Variants in LINGO2 observed in about 807,000 individuals in gnomAD.
The protein encoded by LINGO2 is leucine rich repeat and Ig domain containing 2.
Under a neutral mutation model 30.6 loss-of-function variants are expected in LINGO2, and 14 were observed. The ratio of observed to expected loss-of-function variants is 0.46; its 90% CI spans 0.30 to 0.72. The LOEUF (loss-of-function observed/expected upper bound fraction) is 0.72. Ranked by LOEUF, LINGO2 falls within the 30% of genes least tolerant of loss-of-function variation. The probability of loss-of-function intolerance (pLI) is 0.07; values close to 1 mark genes in which losing one functional copy is unlikely to be tolerated. For missense variants in LINGO2, 729 were observed against 751.7 expected, an observed-to-expected ratio of 0.97 and a Z score of 0.35; for synonymous variants, 317 against 288.5, an observed-to-expected ratio of 1.10 and a Z score of -1.00.
chr9:28,075,101 AT>A (rs1169697927), intron 4 of LINGO2, among the ~76,000 whole-genome samples: 27 of 151,970 alleles, frequency 1.8e-4, no homozygotes, highest in African/African-American at 5.6e-4. Context: ...AGCTATCAGC[AT>A]TCAGAACTTT....
At chr9:28,911,992 T>C in the LINGO2 span, among the ~76,000 whole-genome samples, 3 of 152,266 alleles carry the variant, frequency 2.0e-5, no homozygotes, top group Non-Finnish European at 4.4e-5. Flanking sequence ...AATAAATGTG[T>C]ATGAATATAC....
intron 2 of LINGO2, among the ~76,000 whole-genome samples, chr9:28,387,374 T>A (rs1821628155): frequency 6.6e-6 from 1 of 152,194 alleles, no homozygotes; most frequent in Non-Finnish European, 1.5e-5. Flanking sequence ...ATCAGCACTC[T>A]GTAAAAATGG....
At chr9:29,032,349 C>G in the LINGO2 span, among the ~76,000 whole-genome samples, 5 of 152,110 alleles carry the variant, frequency 3.3e-5, no homozygotes. Flanking sequence ...TTCTGAGACA[C>G]AACTCCTTTA....
rs368768445 is a variant in LINGO2 at position 28,557,890 on chromosome 9, G to A, written c.-364-81865C>T. ...AAACCATCATTCTCAGCAAACTATC[G>A]CAAGGACAAAAAACCAAACACCACG... On this transcript the variant is annotated intron_variant, in intron 1 of 5. Transcript: ENST00000379992. Among the ~76,000 whole-genome samples the A allele has an allele frequency of 1.5e-4, 23 of 150,284 alleles. 1 individual carries two copies. The highest frequency in any genetic ancestry group is 3.4e-4 in the African/African-American group (14 of 40,976).
intron 2 of LINGO2, among the ~76,000 whole-genome samples, chr9:28,383,382 A>G (rs1210928631): frequency 6.6e-6 from 1 of 151,914 alleles, no homozygotes; most frequent in Admixed American, 6.6e-5. Flanking sequence ...AATCTTCCAC[A>G]AGTGACCAAA....
intron 5 of LINGO2, among the ~76,000 whole-genome samples, chr9:27,996,250 A>G (rs1821656277): frequency 6.6e-6 from 1 of 152,196 alleles, no homozygotes; most frequent in African/African-American, 2.4e-5. Flanking sequence ...AAAAACTAAA[A>G]TACAACTATC....
chr9:29,083,586 T>TA, the LINGO2 span, among the ~76,000 whole-genome samples: 3,301 of 145,788 alleles, frequency 0.023, 116 homozygotes, highest in African/African-American at 0.078. Flanking sequence ...ATAATAATAA[T>TA]AAAAAAAAGA....
intron 2 of LINGO2, among the ~76,000 whole-genome samples, chr9:28,408,281 A>G (rs1822593367): frequency 6.6e-6 from 1 of 152,148 alleles, no homozygotes; most frequent in African/African-American, 2.4e-5. Context: ...TGCTTCACTG[A>G]GATCACTTTA....
chr9:28,558,032 A>C (rs1322597815), intron 1 of LINGO2, among the ~76,000 whole-genome samples: 3 of 149,066 alleles, frequency 2.0e-5, no homozygotes, highest in African/African-American at 7.4e-5. Context: ...GCATTGGGAG[A>C]TATACCTAAT....
chr9:29,058,483 A>G, the LINGO2 span, among the ~76,000 whole-genome samples: 1 of 152,080 alleles, frequency 6.6e-6, no homozygotes, highest in African/African-American at 2.4e-5. Flanking sequence ...GGAAAACATC[A>G]AGTTAGAAAA....
At chr9:29,049,278 C>T in the LINGO2 span, among the ~76,000 whole-genome samples, 2 of 152,158 alleles carry the variant, frequency 1.3e-5, no homozygotes, top group East Asian at 1.9e-4. Flanking sequence ...TTATATCATC[C>T]CAGTTAAAAT....
At chr9:28,323,873 A>C (rs1825133981) in intron 3 of LINGO2, among the ~76,000 whole-genome samples, 1 of 152,208 alleles carries the variant, frequency 6.6e-6, no homozygotes, top group African/African-American at 2.4e-5. Flanking sequence ...GCATGGTATT[A>C]TAACAGAAAT....
chr9:28,203,595 G>T (rs1441997629), intron 4 of LINGO2, among the ~76,000 whole-genome samples: 49 of 152,000 alleles, frequency 3.2e-4, no homozygotes, highest in Non-Finnish European at 1.2e-4. Context: ...TTTCCATAAA[G>T]AATGTGATAA....
rs757750922 is a variant in LINGO2 at position 27,950,452 on chromosome 9, G to T, written c.220C>A (p.Pro74Thr). The change falls in exon 6 of 6, where the codon CCT becomes ACT. Residue 74 changes from proline (P) to threonine (T), a missense_variant. Coordinates refer to ENST00000379992, the Ensembl canonical transcript of LINGO2. ...AGAGGATATGATATGAATTCTTCAG[G>T]GTTGACGCTTTTTAGCCTGTTTTTA... 5.2e-5 allele frequency: 83 copies of T among 1,610,944 alleles called. No homozygotes were observed. Among genetic ancestry groups the T allele is most frequent in the Non-Finnish European group, 6.9e-5 (81 of 1,177,840 alleles).
chr9:28,218,146 A>T (rs1031040726), intron 4 of LINGO2, among the ~76,000 whole-genome samples: 9 of 148,552 alleles, frequency 6.1e-5, no homozygotes, highest in African/African-American at 2.0e-4. Context: ...TAATTCTAAT[A>T]TAACATTATC....
At chr9:29,056,475 G>A in the LINGO2 span, among the ~76,000 whole-genome samples, 1 of 152,100 alleles carries the variant, frequency 6.6e-6, no homozygotes, top group East Asian at 1.9e-4. Flanking sequence ...TGAGTTCCTT[G>A]TAGATTCTAG....
At chr9:28,150,746 A>T (rs1827975136) in intron 4 of LINGO2, among the ~76,000 whole-genome samples, 1 of 152,230 alleles carries the variant, frequency 6.6e-6, no homozygotes, top group Non-Finnish European at 1.5e-5. Context: ...TATCCAGAGT[A>T]TCAGAATCCC....
chr9:28,869,844 C>T, the LINGO2 span, among the ~76,000 whole-genome samples: 1 of 151,994 alleles, frequency 6.6e-6, no homozygotes, highest in Non-Finnish European at 1.5e-5. Flanking sequence ...CCCAATTTCC[C>T]ACCAAGATTC....
intron 5 of LINGO2, among the ~76,000 whole-genome samples, chr9:28,008,096 C>T (rs1427663942): frequency 6.6e-6 from 1 of 152,118 alleles, no homozygotes; most frequent in Non-Finnish European, 1.5e-5. Context: ...CATCGTTTGT[C>T]ATCAGAATCT....
Sources: allele counts gnomAD v4.1 joint callset (sites outside exome capture counted in the v4.1 genomes callset), GRCh38; gene constraint gnomAD v4.1.1; transcripts MANE v1.5; gene names NCBI Gene and HGNC (gene_info 2026-07-23, HGNC 2026-07-21).